LTBP1: variants seen among roughly 807,000 people sequenced by gnomAD.
LTBP1 encodes latent transforming growth factor beta binding protein 1.
LTBP1 carries 129 observed loss-of-function variants against 207.6 expected under a neutral mutation model. The observed-to-expected ratio is 0.62, with a 90% CI of 0.54 to 0.72. LTBP1 has a LOEUF of 0.72. Among genes scored for constraint, LTBP1 ranks in the 30% least tolerant of loss-of-function variants. The probability of loss-of-function intolerance (pLI) is 0.00; values close to 1 mark genes in which losing one functional copy is unlikely to be tolerated. For synonymous variants in LTBP1, 963 were observed against 833.7 expected (o/e 1.16, Z -2.67); for missense variants, 2,281 against 2,217.2 (o/e 1.03, Z -0.58).
chr2:33,245,373 A>G lies in LTBP1; in HGVS notation c.1999+1589A>G, dbSNP rs563475034. Reference sequence around the variant, plus strand: ...TGATAAAATAAAGACAAATGTAGTAAAATAAAAATGACAGTCTCATTTATT... The same window carrying G: ...TGATAAAATAAAGACAAATGTAGTAGAATAAAAATGACAGTCTCATTTATT... On this transcript the variant is annotated intron_variant, in intron 10 of 33. Transcript: ENST00000404816. Among the ~76,000 whole-genome samples, 9 of 152,350 alleles carry G rather than the reference A, an allele frequency of 5.9e-5. No homozygotes were observed. In the South Asian group the frequency reaches 1.9e-3, roughly 32 times the overall value.
intron 3 of LTBP1, among the ~76,000 whole-genome samples, chr2:33,104,356 T>G (rs1418567402): frequency 6.6e-6 from 1 of 152,202 alleles, no homozygotes; most frequent in Non-Finnish European, 1.5e-5. Context: ...CTTTTCTGTG[T>G]GTCACTAGTA....
At chr2:33,113,589 T>C (rs1243336563) in intron 4 of LTBP1, among the ~76,000 whole-genome samples, 1 of 152,252 alleles carries the variant, frequency 6.6e-6, no homozygotes, top group Non-Finnish European at 1.5e-5. Context: ...CCCTGTCCAA[T>C]GTGTACACAC....
At chr2:33,069,133 T>C (rs1224548533) in intron 3 of LTBP1, among the ~76,000 whole-genome samples, 1 of 152,168 alleles carries the variant, frequency 6.6e-6, no homozygotes. Flanking sequence ...TGGGAGAGGG[T>C]TGAGCACAAT....
chr2:33,138,768 T>G (rs1420112100), intron 5 of LTBP1, among the ~76,000 whole-genome samples: 3 of 152,060 alleles, frequency 2.0e-5, no homozygotes, highest in African/African-American at 7.2e-5. Flanking sequence ...ATTTGGTTTA[T>G]GTGAATCTAA....
At chr2:33,016,106 G>A (rs1688338931) in intron 2 of LTBP1, among the ~76,000 whole-genome samples, 2 of 152,138 alleles carry the variant, frequency 1.3e-5, no homozygotes, top group African/African-American at 4.8e-5. Flanking sequence ...TGGGAGAAGG[G>A]TGGGCTTGAA....
intron 24 of LTBP1, among the ~76,000 whole-genome samples, chr2:33,334,573 T>C (rs1296138183): frequency 6.6e-6 from 1 of 152,164 alleles, no homozygotes; most frequent in Non-Finnish European, 1.5e-5. Flanking sequence ...GGTGACTGGA[T>C]GTGGAGCAGT....
intron 8 of LTBP1, among the ~76,000 whole-genome samples, chr2:33,220,143 C>T (rs752253072): frequency 2.6e-4 from 39 of 152,190 alleles, no homozygotes; most frequent in Non-Finnish European, 5.7e-4. Flanking sequence ...AAACTGTTAA[C>T]ATCTTGACAT....
intron 18 of LTBP1, among the ~76,000 whole-genome samples, chr2:33,277,546 G>T (rs1250407676): frequency 4.6e-5 from 7 of 152,012 alleles, no homozygotes; most frequent in Non-Finnish European, 1.0e-4. Context: ...GCCATAACTT[G>T]TATGATGCCT....
intron 20 of LTBP1, among the ~76,000 whole-genome samples, chr2:33,296,250 T>G (rs1466230858): frequency 6.6e-6 from 1 of 152,002 alleles, no homozygotes; most frequent in Non-Finnish European, 1.5e-5. Context: ...ATCTGCTTGT[T>G]GATAAAAACT....
At chr2:33,091,157 T>G (rs905459415) in intron 3 of LTBP1, among the ~76,000 whole-genome samples, 1 of 152,114 alleles carries the variant, frequency 6.6e-6, no homozygotes, top group Non-Finnish European at 1.5e-5. Flanking sequence ...TGTGTCTACG[T>G]GTGTGTATGT....
chr2:33,275,410 C>T (rs1174182450), intron 17 of LTBP1, among the ~76,000 whole-genome samples: 2 of 152,284 alleles, frequency 1.3e-5, no homozygotes, highest in African/African-American at 2.4e-5. Context: ...ACTGGCCAGG[C>T]GCCATGGCCC....
At chr2:33,034,963 C>G (rs1163457860) in intron 3 of LTBP1, among the ~76,000 whole-genome samples, 2 of 152,212 alleles carry the variant, frequency 1.3e-5, no homozygotes, top group East Asian at 3.9e-4. Flanking sequence ...CGCAGAATGC[C>G]AAAATTTGAA....
chr2:33,009,878 C>T (rs1454865664), intron 2 of LTBP1, among the ~76,000 whole-genome samples: 6 of 152,144 alleles, frequency 3.9e-5, no homozygotes, highest in Non-Finnish European at 7.3e-5. Flanking sequence ...ATGGAGGCAT[C>T]GATGAGACCG....
At chr2:33,176,361 G>A (rs1302084958) in intron 5 of LTBP1, among the ~76,000 whole-genome samples, 2 of 152,020 alleles carry the variant, frequency 1.3e-5, no homozygotes, top group African/African-American at 4.8e-5. Flanking sequence ...GAGTAGCTGG[G>A]ACTACAGGCG....
chr2:33,056,715 G>C (rs529619633), intron 3 of LTBP1, among the ~76,000 whole-genome samples: 38 of 152,022 alleles, frequency 2.5e-4, no homozygotes, highest in African/African-American at 8.4e-4. Context: ...GCAGACCTTC[G>C]TGGTGAGTGT....
At chr2:32,983,935 G>C (rs1227102237) in intron 2 of LTBP1, among the ~76,000 whole-genome samples, 3 of 152,166 alleles carry the variant, frequency 2.0e-5, no homozygotes, top group Non-Finnish European at 2.9e-5. Flanking sequence ...CAAGTCTTAA[G>C]TTAGATCTTT....
intron 25 of LTBP1, among the ~76,000 whole-genome samples, chr2:33,343,397 A>G (rs2094657096): frequency 6.9e-6 from 1 of 145,024 alleles, no homozygotes; most frequent in Non-Finnish European, 1.5e-5. Context: ...GGCAACAGAG[A>G]AAGACCCTGT....
intron 9 of LTBP1, among the ~76,000 whole-genome samples, chr2:33,233,678 G>A (rs2091906644): frequency 6.6e-6 from 1 of 152,044 alleles, no homozygotes; most frequent in Non-Finnish European, 1.5e-5. Context: ...TTGGTCTAGA[G>A]CTAGATTATA....
intron 5 of LTBP1, among the ~76,000 whole-genome samples, chr2:33,182,416 A>C (rs563951599): frequency 1.6e-4 from 24 of 152,090 alleles, no homozygotes; most frequent in African/African-American, 5.1e-4. Flanking sequence ...TAATCTCAGC[A>C]CTTTGGGAGG....
Sources: gnomAD v4.1 joint callset for allele counts (sites outside exome capture counted in the v4.1 genomes callset) on GRCh38, gnomAD v4.1.1 for gene constraint, MANE v1.5 for transcripts, NCBI Gene and HGNC (gene_info 2026-07-23, HGNC 2026-07-21) for gene names.